HK1: variants seen among roughly 807,000 people sequenced by gnomAD.
The protein encoded by HK1 is hexokinase-1.
HK1 carries 28 observed loss-of-function variants against 91.6 expected under a neutral mutation model. The ratio of observed to expected loss-of-function variants is 0.31; its 90% CI spans 0.23 to 0.42. HK1 has a LOEUF of 0.42. Among genes scored for constraint, HK1 ranks in the 10% least tolerant of loss-of-function variants. The pLI, the probability that HK1 is intolerant of heterozygous loss-of-function variation, is 1.00. For synonymous variants in HK1, 430 were observed against 468.1 expected, an observed-to-expected ratio of 0.92 and a Z score of 1.05; for missense variants, 770 against 1,219.8, an observed-to-expected ratio of 0.63 and a Z score of 5.49.
chr10:69,315,648 C>G (rs928077851), upstream of HK1: 1 of 455,888 alleles, frequency 2.2e-6, no homozygotes, highest in Non-Finnish European at 4.1e-6. Flanking sequence ...ACTGGAACAA[C>G]AGAGAGGGGA....
At chr10:69,319,496 C>A in intron 1 of HK1, among the ~76,000 whole-genome samples, 1 of 152,260 alleles carries the variant, frequency 6.6e-6, no homozygotes, top group East Asian at 1.9e-4. Flanking sequence ...TGTCGCCGGG[C>A]TCTCCCAGTT....
Position 69,384,891 on chromosome 10 carries a change from C to T in HK1, c.1815C>T (p.Pro605=), listed in dbSNP as rs1455060072. 5 of 1,614,092 alleles carry T rather than the reference C, an allele frequency of 3.1e-6. No homozygotes were observed. The highest frequency in any genetic ancestry group is 8.5e-7 in the Non-Finnish European group (1 of 1,180,048). Residue 605 remains proline (P), a synonymous_variant, in exon 12 of 18, where the codon CCC becomes CCT. Transcript: ENST00000359426. ...RMPLGFTFSF[P]CQQTSLDAGI... is the part of the protein sequence containing the mutation. ...CTCTGGGCTTCACGTTCTCATTTCCCTGCCAGCAGACGAGTCTGGACGCGG... is the reference window on the plus strand; with the variant it reads ...CTCTGGGCTTCACGTTCTCATTTCCTTGCCAGCAGACGAGTCTGGACGCGG...
At chr10:69,315,523 G>T (rs1846593621), upstream of HK1, among the ~76,000 whole-genome samples, 1 of 152,216 alleles carries the variant, frequency 6.6e-6, no homozygotes, top group Admixed American at 6.5e-5. Flanking sequence ...GACTCCCTGT[G>T]GGTTGGGGTC....
intron 1 of HK1, among the ~76,000 whole-genome samples, chr10:69,336,704 A>C (rs527816276): frequency 1.8e-4 from 26 of 145,826 alleles, no homozygotes; most frequent in African/African-American, 6.0e-4. Flanking sequence ...CAGTGGTGCA[A>C]TCTCAGCTCA....
chr10:69,382,498 G>A lies in HK1; in HGVS notation c.1277G>A (p.Arg426His), dbSNP rs1839440294. ...LYKTHPQYSR[R>H]FHKTLRRLVP... ...CCTGCCCCCATAAGGTATTCCCGGC[G>A]TTTCCACAAGACTCTAAGGCGCTTG... The change falls in exon 10 of 18, where the codon CGT (arginine) becomes CAT (histidine). Residue 426 changes from arginine to histidine, a missense_variant. By Grantham distance (29) the Arg-to-His change is conservative. This residue lies in a region of HK1 where 449 missense variants were observed against 665.1 expected (regional missense o/e 0.68). Transcript: ENST00000359426. The A allele has an allele frequency of 5.0e-6, 8 of 1,614,094 alleles. No homozygotes were observed. The highest frequency in any genetic ancestry group is 1.7e-5 in the Admixed American group (1 of 60,002).
intron 1 of HK1, among the ~76,000 whole-genome samples, chr10:69,281,717 G>T (rs910424102): frequency 1.3e-5 from 2 of 152,176 alleles, no homozygotes; most frequent in South Asian, 4.2e-4. Flanking sequence ...AAAAAGGAAG[G>T]GTTTGGGTGG....
At chr10:69,373,810 G>A (rs1383982856) in intron 7 of HK1, among the ~76,000 whole-genome samples, 6 of 151,772 alleles carry the variant, frequency 4.0e-5, no homozygotes, top group Non-Finnish European at 8.8e-5. Flanking sequence ...AGCTGGTCTC[G>A]AACTCCTGGG....
At chr10:69,322,458 C>T (rs16926244) in intron 1 of HK1, among the ~76,000 whole-genome samples, 29,908 of 152,118 alleles carry the variant, frequency 0.2, 3,475 homozygotes, top group East Asian at 0.57. Flanking sequence ...TGTGATTTGT[C>T]CAATGGCCGA....
chr10:69,400,539 C>T (rs907940640), intron 17 of HK1, among the ~76,000 whole-genome samples: 1 of 152,186 alleles, frequency 6.6e-6, no homozygotes, highest in South Asian at 2.1e-4. Flanking sequence ...GGCTGGCTTG[C>T]ACCTGCCTTA....
chr10:69,394,747 T>C (rs1051938818), intron 15 of HK1, among the ~76,000 whole-genome samples: 7 of 152,126 alleles, frequency 4.6e-5, no homozygotes, highest in African/African-American at 7.2e-5. Flanking sequence ...GGTGGTTTTG[T>C]TTCTGATGTG....
At chr10:69,286,324 C>T (rs2894080) in intron 2 of HK1, among the ~76,000 whole-genome samples, 13,617 of 151,962 alleles carry the variant, frequency 0.09, 1,073 homozygotes, top group African/African-American at 0.21. Flanking sequence ...ATAGTGAGAT[C>T]CCGTCTCTAC....
At chr10:69,308,259 G>T (rs1420454345) in intron 5 of HK1, among the ~76,000 whole-genome samples, 1 of 152,094 alleles carries the variant, frequency 6.6e-6, no homozygotes, top group Non-Finnish European at 1.5e-5. Context: ...GGGTGAAACT[G>T]TTCCACCTCA....
At chr10:69,304,140 G>A (rs1300620845) in intron 5 of HK1, among the ~76,000 whole-genome samples, 1 of 152,120 alleles carries the variant, frequency 6.6e-6, no homozygotes, top group Non-Finnish European at 1.5e-5. Flanking sequence ...GTAGCCTCCA[G>A]CTGCATGACT....
At chr10:69,398,468 A>G (rs1840238199) in intron 16 of HK1, 127 bp from the exon 17 acceptor site, 2 of 747,760 alleles carry the variant, frequency 2.7e-6, no homozygotes, top group Admixed American at 2.0e-5. Flanking sequence ...AACATGTAAC[A>G]CTTGCCCTTG....
At chr10:69,355,314 G>C (rs1035386612) in intron 2 of HK1, among the ~76,000 whole-genome samples, 2 of 152,192 alleles carry the variant, frequency 1.3e-5, no homozygotes, top group Non-Finnish European at 1.5e-5. Context: ...CTTATTTTGT[G>C]TTGAAAATCA....
chr10:69,353,002 T>G (rs1848954984), intron 2 of HK1, among the ~76,000 whole-genome samples: 1 of 152,188 alleles, frequency 6.6e-6, no homozygotes, highest in Admixed American at 6.5e-5. Context: ...CCTTGTAATT[T>G]CTTGAGCAAT....
chr10:69,293,272 A>G (rs1215357173), intron 3 of HK1, among the ~76,000 whole-genome samples: 1 of 152,170 alleles, frequency 6.6e-6, no homozygotes, highest in Non-Finnish European at 1.5e-5. Flanking sequence ...CATGTTAGGC[A>G]GGTGGGCTGG....
At chr10:69,389,988 C>T (rs1839822770) in intron 14 of HK1, among the ~76,000 whole-genome samples, 1 of 152,186 alleles carries the variant, frequency 6.6e-6, no homozygotes, top group African/African-American at 2.4e-5. Context: ...CTGGGAAAGA[C>T]CCCAGGGAGT....
At chr10:69,326,000 A>G (rs1847348530) in intron 1 of HK1, among the ~76,000 whole-genome samples, 1 of 149,720 alleles carries the variant, frequency 6.7e-6, no homozygotes, top group Admixed American at 6.6e-5. Context: ...ACACCCAGCT[A>G]ATTTTTTGTA....
Sources: gnomAD v4.1 joint callset for allele counts (sites outside exome capture counted in the v4.1 genomes callset) on GRCh38, gnomAD v4.1.1 for gene constraint, gnomAD v4.1.1 regional missense constraint, MANE v1.5 for transcripts, NCBI Gene and HGNC (gene_info 2026-07-23, HGNC 2026-07-21) for gene names.